Variants in RAB40B observed in about 807,000 individuals in gnomAD.
RAB40B encodes the protein RAB40B, member RAS oncogene family.
A neutral mutation model predicts 24.0 loss-of-function variants in RAB40B; 21 were observed. The observed-to-expected ratio is 0.88, with a 90% CI of 0.62 to 1.26. RAB40B has a LOEUF of 1.26. Ranked by LOEUF, RAB40B falls within the 50% of genes most tolerant of loss-of-function variation. RAB40B has a pLI of 0.00. For missense variants in RAB40B, 348 were observed against 390.5 expected (o/e 0.89, Z 0.92); for synonymous variants, 167 against 169.8 (o/e 0.98, Z 0.13).
intron 1 of RAB40B, among the ~76,000 whole-genome samples, chr17:82,670,178 CTTTTTT>C (rs71168131): frequency 3.7e-5 from 3 of 81,304 alleles, no homozygotes; most frequent in African/African-American, 9.6e-5. Flanking sequence ...GGCCAACAAT[CTTTTTT>C]TTTTTTTTTT....
chr17:82,680,288 G>T (rs1194573024), intron 1 of RAB40B, among the ~76,000 whole-genome samples: 1 of 152,182 alleles, frequency 6.6e-6, no homozygotes, highest in Non-Finnish European at 1.5e-5. Context: ...ATCCAGTCCT[G>T]CCCTGGCCCT....
intron 3 of RAB40B, among the ~76,000 whole-genome samples, chr17:82,660,134 C>T (rs1024924902): frequency 5.3e-5 from 8 of 151,130 alleles, no homozygotes; most frequent in Non-Finnish European, 1.0e-4. Context: ...CGTGTACACA[C>T]GTGTACTCAT....
intron 1 of RAB40B, among the ~76,000 whole-genome samples, chr17:82,674,556 G>A (rs1365480678): frequency 1.0e-4 from 15 of 145,496 alleles, no homozygotes; most frequent in African/African-American, 2.8e-4. Context: ...GGAGAATGGC[G>A]TGAACCCAGG....
chr17:82,665,631 C>G (rs1403469292), intron 1 of RAB40B, among the ~76,000 whole-genome samples: 2 of 152,076 alleles, frequency 1.3e-5, no homozygotes, highest in Non-Finnish European at 2.9e-5. Context: ...CTTTGGGAGG[C>G]TGAGGCGGGT....
intron 1 of RAB40B, among the ~76,000 whole-genome samples, chr17:82,695,991 T>C (rs2046606221): frequency 6.6e-6 from 1 of 152,074 alleles, no homozygotes; most frequent in African/African-American, 2.4e-5. Context: ...TGCCTCAGCC[T>C]CCCGAGTAGC....
intron 2 of RAB40B, among the ~76,000 whole-genome samples, chr17:82,661,628 G>A (rs182701636): frequency 1.9e-4 from 29 of 152,250 alleles, no homozygotes; most frequent in Non-Finnish European, 1.6e-4. Flanking sequence ...GGCTCACACC[G>A]ATAATCCCAG....
rs904740962 is a variant in RAB40B at position 82,663,246 on chromosome 17, C to T, written c.203+1250G>A. Reference sequence around the variant, plus strand: ...ACTGGCCACTACTAGACGGGGCAGGCGTAGGAAGGGGACAGGTAAGAGAAG... The same window carrying T: ...ACTGGCCACTACTAGACGGGGCAGGTGTAGGAAGGGGACAGGTAAGAGAAG... On this transcript the variant is annotated intron_variant, in intron 2 of 5. Coordinates refer to ENST00000571995, the MANE Select transcript of RAB40B (RefSeq NM_006822.3). The surrounding 1 kb of genome is among the most constrained non-coding windows in gnomAD (Gnocchi z 6.2). Among the ~76,000 whole-genome samples, 4 of 151,918 alleles carry T rather than the reference C, an allele frequency of 2.6e-5. No homozygotes were observed. Among genetic ancestry groups the T allele is most frequent in the African/African-American group, 7.3e-5 (3 of 41,364 alleles).
At chr17:82,688,070 C>CA (rs1169632397) in intron 1 of RAB40B, among the ~76,000 whole-genome samples, 1 of 151,910 alleles carries the variant, frequency 6.6e-6, no homozygotes, top group African/African-American at 2.4e-5. Flanking sequence ...GACCCGGTTT[C>CA]AAAAAAGACT....
chr17:82,689,732 GC>G (rs1054036204), intron 1 of RAB40B, among the ~76,000 whole-genome samples: 33 of 152,098 alleles, frequency 2.2e-4, no homozygotes, highest in African/African-American at 7.2e-4. Context: ...ACTTTCGGAG[GC>G]CAAGGCGGGT....
At position 82,655,731 on chromosome 17, in the gene RAB40B, C is replaced by T. The variant is rs868304868; in HGVS notation, c.*2132G>A. On this transcript the variant is annotated 3_prime_UTR_variant, in exon 6 of 6. Coordinates refer to ENST00000571995, the MANE Select transcript of RAB40B (RefSeq NM_006822.3). ...AGCGTGCCTGCACGAGGCTGGCCAC[C>T]CTCTCCAGACACTGTCCCCTCAGGG... 3 of 152,250 alleles carry T rather than the reference C, an allele frequency of 2.0e-5. No individual in the cohort carries two copies. Among genetic ancestry groups the T allele is most frequent in the African/African-American group, 7.2e-5 (3 of 41,432 alleles). The allele number at this position is 152,250 out of a possible 1,614,324, so 9.4% of individuals were successfully genotyped here.
intron 1 of RAB40B, among the ~76,000 whole-genome samples, chr17:82,698,204 G>T (rs2046631671): frequency 6.6e-6 from 1 of 151,906 alleles, no homozygotes; most frequent in Admixed American, 6.5e-5. Context: ...AACTGGGGGT[G>T]CAACAGGGAC....
At position 82,675,012 on chromosome 17, in the gene RAB40B, T is replaced by A. The variant is rs2046382148; in HGVS notation, c.143-10456A>T. 6.6e-6 allele frequency among the ~76,000 whole-genome samples: 1 copy of A among 152,112 alleles called. No homozygotes were observed. The highest frequency in any genetic ancestry group is 2.4e-5 in the African/African-American group (1 of 41,412). Reference sequence around the variant, plus strand: ...TCCTCTGTGCTGAAGCTATTTTGAGTTAATTTTCTTGTTTGCACCAAAATG... The same window carrying A: ...TCCTCTGTGCTGAAGCTATTTTGAGATAATTTTCTTGTTTGCACCAAAATG... On this transcript the variant is annotated intron_variant, in intron 1 of 5. Transcript: ENST00000571995. This position sits in a 1 kb window ranked among gnomAD's most constrained non-coding sequence, Gnocchi z 4.5.
At chr17:82,661,383 G>T in intron 2 of RAB40B, 3 of 697,702 alleles carry the variant, frequency 4.3e-6, no homozygotes, top group South Asian at 4.5e-5. Flanking sequence ...AAGGAGTGTG[G>T]GTCTACACCA....
intron 1 of RAB40B, among the ~76,000 whole-genome samples, chr17:82,693,297 A>G (rs930111802): frequency 6.6e-6 from 1 of 152,108 alleles, no homozygotes; most frequent in African/African-American, 2.4e-5. Context: ...GTGAGCCACC[A>G]GGCCCGGCCG....
intron 4 of RAB40B, 57 bp downstream of exon 4, chr17:82,659,523 G>A: frequency 6.4e-7 from 1 of 1,572,186 alleles, no homozygotes; most frequent in South Asian, 1.1e-5. Context: ...CTAATTCCTG[G>A]CCTGACGTCC....
At chr17:82,673,127 C>G (rs973878925) in intron 1 of RAB40B, among the ~76,000 whole-genome samples, 4 of 152,220 alleles carry the variant, frequency 2.6e-5, no homozygotes, top group Admixed American at 6.5e-5. Flanking sequence ...TCGCTTGAAC[C>G]CGGCAGGCGG....
chr17:82,670,942 T>A (rs1434455377), intron 1 of RAB40B, among the ~76,000 whole-genome samples: 1 of 152,064 alleles, frequency 6.6e-6, no homozygotes, highest in Non-Finnish European at 1.5e-5. Flanking sequence ...TCCACGATGT[T>A]GGACCCTGGC....
intron 2 of RAB40B, chr17:82,662,241 T>TGA: frequency 1.0e-6 from 1 of 985,468 alleles, no homozygotes; most frequent in African/African-American, 1.7e-5. Flanking sequence ...CCTCATTTCC[T>TGA]GAGAAGCAAA....
chr17:82,695,446 T>TC (rs1221906075), intron 1 of RAB40B, among the ~76,000 whole-genome samples: 1 of 150,646 alleles, frequency 6.6e-6, no homozygotes, highest in Non-Finnish European at 1.5e-5. Context: ...CACCTTGGCC[T>TC]CCCCAAGTGC....
Sources: allele counts gnomAD v4.1 joint callset (sites outside exome capture counted in the v4.1 genomes callset), GRCh38; gene constraint gnomAD v4.1.1; non-coding constraint Gnocchi (gnomAD v3.1); transcripts MANE v1.5; gene names NCBI Gene and HGNC (gene_info 2026-07-23, HGNC 2026-07-21).